The following PIK3C2B variants were observed in gnomAD, a reference collection of about 807,000 sequenced individuals.
PIK3C2B encodes the protein phosphatidylinositol-4-phosphate 3-kinase catalytic subunit type 2 beta, also known as phosphatidylinositol 4-phosphate 3-kinase C2 domain-containing subunit beta.
PIK3C2B carries 83 observed loss-of-function variants against 184.3 expected under a neutral mutation model. The observed-to-expected ratio is 0.45, with a 90% CI of 0.38 to 0.54. The LOEUF (loss-of-function observed/expected upper bound fraction) is 0.54, where lower values mean the gene tolerates loss of function less well. Ranked by LOEUF, PIK3C2B falls within the 20% of genes least tolerant of loss-of-function variation. The probability of loss-of-function intolerance (pLI) is 0.00; values close to 1 mark genes in which losing one functional copy is unlikely to be tolerated. For synonymous variants in PIK3C2B, 779 were observed against 837.6 expected (o/e 0.93, Z 1.21); for missense variants, 1,736 against 2,113.5 (o/e 0.82, Z 3.50).
rs866737233 is a variant in PIK3C2B, at chr1:204,460,243, C to A, written c.1502+81G>T. 5.0e-6 allele frequency: 6 copies of A among 1,189,138 alleles called. No homozygotes were observed. The Admixed American group carries it at 1.0e-4, about 21-fold the overall frequency. 73.7% of individuals were successfully genotyped at this position (1,189,138 alleles called of 1,614,324 possible). ...ACCTGCAAGAATCCCTTAGCCCTGA[C>A]AGAAAGGCAAGCAGGCACATCTGAT... On this transcript the variant is annotated intron_variant, in intron 7 of 32. Coordinates refer to ENST00000684373, the MANE Select transcript of PIK3C2B (RefSeq NM_001377334.1).
At position 204,457,074 on chromosome 1, in the gene PIK3C2B, T is replaced by A; in HGVS notation, c.1714-4A>T. 1 of 1,561,522 alleles carries A rather than the reference T, an allele frequency of 6.4e-7. No individual in the cohort carries two copies. Among genetic ancestry groups the A allele is most frequent in the South Asian group, 1.2e-5 (1 of 84,490 alleles). ...TCACAGCCAAGACACTGGGATCCTG[T>A]TGGGAAAAAGAAGAGGGAGGGGAGC... On this transcript the variant is annotated splice_region_variant and splice_polypyrimidine_tract_variant and intron_variant, in intron 9 of 32. Coordinates refer to ENST00000684373, the MANE Select transcript of PIK3C2B (RefSeq NM_001377334.1).
intron 28 of PIK3C2B, 186 bp downstream of exon 28, chr1:204,431,483 C>T (rs1031279590): frequency 1.7e-5 from 11 of 654,116 alleles, no homozygotes; most frequent in Admixed American, 1.3e-4. Context: ...AGAGCTCTTG[C>T]GTGCAAGGAG....
At position 204,469,172 on chromosome 1, in the gene PIK3C2B, C is replaced by G. The variant is rs1656085565; in HGVS notation, c.631G>C (p.Glu211Gln). Residue 211 changes from glutamate to glutamine, a missense_variant, in exon 2 of 33, where the codon GAA (glutamate) becomes CAA (glutamine). This residue lies in a region of PIK3C2B where 404 missense variants were observed against 418.0 expected (regional missense o/e 0.97). Transcript: ENST00000684373. The stretch of plus-strand genomic sequence containing the variant: ...TGACCCCCACCTCCCAGCACCTCTT[C>G]CTCTTCTAGGATCCGATGCTCTAGC... ...KLLEHRILEEEEVLGGGGQGR... is the reference protein window; with the variant it reads ...KLLEHRILEEQEVLGGGGQGR... 6.2e-7 allele frequency: 1 copy of G among 1,613,892 alleles called. No homozygotes were observed. The highest frequency in any genetic ancestry group is 8.5e-7 in the Non-Finnish European group (1 of 1,179,948).
chr1:204,465,867 G>A (rs1192897694), intron 2 of PIK3C2B, among the ~76,000 whole-genome samples: 1 of 152,214 alleles, frequency 6.6e-6, no homozygotes, highest in Admixed American at 6.5e-5. Flanking sequence ...TGTGCCTTCT[G>A]GGTAAATGCT....
At chr1:204,439,153 G>T in intron 22 of PIK3C2B, 82 bp from the exon 23 acceptor site, 1 of 1,403,968 alleles carries the variant, frequency 7.1e-7, no homozygotes, top group Non-Finnish European at 9.8e-7. Context: ...CTGTGCTCAT[G>T]CTTCCCTATA....
At chr1:204,427,796 C>G in intron 30 of PIK3C2B, 42 bp from the exon 31 acceptor site, 4 of 1,433,808 alleles carry the variant, frequency 2.8e-6, no homozygotes, top group Non-Finnish European at 3.9e-6. Flanking sequence ...AGAGGCCAGG[C>G]AGGTGTTTCT....
At chr1:204,477,853 T>C (rs1656836142) in intron 1 of PIK3C2B, among the ~76,000 whole-genome samples, 2 of 152,220 alleles carry the variant, frequency 1.3e-5, no homozygotes, top group African/African-American at 4.8e-5. Flanking sequence ...AGTATTCAGA[T>C]GACTATGGCA....
chr1:204,477,026 G>A (rs1361861207), intron 1 of PIK3C2B, among the ~76,000 whole-genome samples: 2 of 152,188 alleles, frequency 1.3e-5, no homozygotes, highest in Non-Finnish European at 2.9e-5. Context: ...TTTGCAAAGT[G>A]TTTGTAAGAA....
At chr1:204,463,985 G>C in intron 5 of PIK3C2B, 27 bp downstream of exon 5, 4 of 1,611,130 alleles carry the variant, frequency 2.5e-6, no homozygotes, top group Non-Finnish European at 3.4e-6. Flanking sequence ...CAGGAAGGCA[G>C]GGGCTACCTC....
At chr1:204,470,334 A>C (rs2103517651) in intron 1 of PIK3C2B, among the ~76,000 whole-genome samples, 1 of 152,166 alleles carries the variant, frequency 6.6e-6, no homozygotes, top group Admixed American at 6.5e-5. Context: ...CGCCCGGCTA[A>C]TTTTTGTATT....
intron 10 of PIK3C2B, 98 bp downstream of exon 10, chr1:204,456,939 A>T: frequency 1.0e-6 from 1 of 967,704 alleles, no homozygotes; most frequent in Non-Finnish European, 1.6e-6. Context: ...CCGAACTCCG[A>T]CACATAAATC....
chr1:204,450,908 A>G (rs1415761139), intron 12 of PIK3C2B, among the ~76,000 whole-genome samples: 2 of 152,226 alleles, frequency 1.3e-5, no homozygotes, highest in African/African-American at 2.4e-5. Flanking sequence ...CCTCCTGGCC[A>G]GCCCAGGGCC....
At position 204,427,630 on chromosome 1, in the gene PIK3C2B, G is replaced by A. The variant is rs765557733; in HGVS notation, c.4587+18C>T. The A allele has an allele frequency of 2.5e-5, 39 of 1,532,478 alleles. No homozygotes were observed. Among genetic ancestry groups the A allele is most frequent in the African/African-American group, 4.1e-5 (3 of 72,834 alleles). The allele number at this position is 1,532,478 out of a possible 1,614,324, so 94.9% of individuals were successfully genotyped here. ...AACATTAAAAAAGAAAAAAAATCAC[G>A]GCTGTGCAGGCACTTACCAAGCCCC... On this transcript the variant is annotated intron_variant, in intron 31 of 32. Coordinates refer to ENST00000684373, the MANE Select transcript of PIK3C2B (RefSeq NM_001377334.1).
intron 1 of PIK3C2B, among the ~76,000 whole-genome samples, chr1:204,481,931 G>C (rs1301796992): frequency 6.6e-6 from 1 of 152,176 alleles, no homozygotes; most frequent in Non-Finnish European, 1.5e-5. Flanking sequence ...ACAGAAAAAT[G>C]AAACACCCCT....
chr1:204,453,180 T>C lies in PIK3C2B; in HGVS notation c.2066+1489A>G, dbSNP rs114701594. On this transcript the variant is annotated intron_variant, in intron 12 of 32. Transcript: ENST00000684373. Reference sequence around the variant, plus strand: ...AGTGCTGCTCTGCAAATGAGGACTCTAATATAGTCAGTGTGGGGAAGCAAA... The same window carrying C: ...AGTGCTGCTCTGCAAATGAGGACTCCAATATAGTCAGTGTGGGGAAGCAAA... 5.0e-3 allele frequency among the ~76,000 whole-genome samples: 762 copies of C among 152,276 alleles called. 13 individuals are homozygous for C. Among genetic ancestry groups the C allele is most frequent in the African/African-American group, 0.017 (715 of 41,536 alleles).
chr1:204,443,410 C>G lies in PIK3C2B; in HGVS notation c.3048+7G>C, dbSNP rs150869957. On this transcript the variant is annotated splice_region_variant and intron_variant, in intron 19 of 32. Coordinates refer to ENST00000684373, the MANE Select transcript of PIK3C2B (RefSeq NM_001377334.1). Reference sequence around the variant, plus strand: ...GAAATGGGTAGGGGCAGCCTCACCCCACTAACCTGCCTTGCAGATGGGGCT... The same window carrying G: ...GAAATGGGTAGGGGCAGCCTCACCCGACTAACCTGCCTTGCAGATGGGGCT... 6.2e-7 allele frequency: 1 copy of G among 1,613,046 alleles called. No homozygotes were observed. The highest frequency in any genetic ancestry group is 2.2e-5 in the East Asian group (1 of 44,870).
intron 1 of PIK3C2B, among the ~76,000 whole-genome samples, chr1:204,472,277 C>T (rs371296084): frequency 1.3e-5 from 2 of 151,746 alleles, no homozygotes; most frequent in South Asian, 2.1e-4. Flanking sequence ...CATTCTCCTG[C>T]CTCAGCCTCC....
intron 28 of PIK3C2B, among the ~76,000 whole-genome samples, chr1:204,430,790 C>T (rs755895134): frequency 1.1e-4 from 16 of 151,996 alleles, no homozygotes; most frequent in Non-Finnish European, 1.6e-4. Context: ...TCCTGAGTAG[C>T]TGGGATTATA....
chr1:204,460,740 G>C (rs1328460087), intron 5 of PIK3C2B, 79 bp from the exon 6 acceptor site: 1 of 886,458 alleles, frequency 1.1e-6, no homozygotes, highest in Non-Finnish European at 1.9e-6. Flanking sequence ...GCCTTGGGGA[G>C]AGACATACAG....
Sources: allele counts gnomAD v4.1 joint callset (sites outside exome capture counted in the v4.1 genomes callset), GRCh38; gene constraint gnomAD v4.1.1; regional missense constraint gnomAD v4.1.1; transcripts MANE v1.5; gene names NCBI Gene and HGNC (gene_info 2026-07-23, HGNC 2026-07-21).